Variants in RAD51B observed in about 807,000 individuals in gnomAD.
RAD51B encodes the protein DNA repair protein RAD51 homolog 2.
RAD51B carries 38 observed loss-of-function variants against 42.2 expected under a neutral mutation model. That is an observed-to-expected ratio of 0.90 (90% CI 0.70 to 1.18). The LOEUF (loss-of-function observed/expected upper bound fraction) is 1.18, where lower values mean the gene tolerates loss of function less well. RAD51B is among the 50% of genes most tolerant of loss of function. The pLI, the probability that RAD51B is intolerant of heterozygous loss-of-function variation, is 0.00. For synonymous variants in RAD51B, 154 were observed against 145.2 expected (o/e 1.06, Z -0.43); for missense variants, 373 against 400.7 (o/e 0.93, Z 0.59).
Position 68,380,210 on chromosome 14 carries a change from G to C in RAD51B, c.854-31214G>C, listed in dbSNP as rs113521394. Among the ~76,000 whole-genome samples the C allele has an allele frequency of 3.3e-5, 5 of 152,300 alleles. 1 individual carries two copies. The highest frequency in any genetic ancestry group is 1.2e-4 in the African/African-American group (5 of 41,552). The stretch of plus-strand genomic sequence containing the variant: ...CACGTAAAATTGTCTGGCTCCACTT[G>C]ACCAATGAGGAGCTTACTTTTCCTC... On this transcript the variant is annotated intron_variant, in intron 8 of 10. Transcript: ENST00000471583.
At chr14:68,399,317 C>T (rs1322020990) in intron 8 of RAD51B, among the ~76,000 whole-genome samples, 4 of 142,734 alleles carry the variant, frequency 2.8e-5, no homozygotes, top group Admixed American at 2.2e-4. Context: ...AGTGCAGTGG[C>T]GCAATCTCGG....
intron 8 of RAD51B, among the ~76,000 whole-genome samples, chr14:68,379,819 TG>T (rs2083444639): frequency 6.6e-6 from 1 of 152,214 alleles, no homozygotes; most frequent in African/African-American, 2.4e-5. Flanking sequence ...GTTGCTGGGC[TG>T]GTAAGCAAGG....
chr14:68,390,539 C>G (rs12889666), intron 8 of RAD51B, among the ~76,000 whole-genome samples: 27,412 of 152,132 alleles, frequency 0.18, 2,698 homozygotes, highest in East Asian at 0.4. Flanking sequence ...GAATTTATAG[C>G]CTGAGACTCC....
intron 4 of RAD51B, among the ~76,000 whole-genome samples, chr14:67,852,745 G>A (rs2041869069): frequency 6.6e-6 from 1 of 152,034 alleles, no homozygotes; most frequent in Admixed American, 6.6e-5. Context: ...ATATATGCAT[G>A]TGTGTAAACA....
At chr14:68,636,056 C>G (rs907560625) in intron 10 of RAD51B, among the ~76,000 whole-genome samples, 3 of 152,170 alleles carry the variant, frequency 2.0e-5, no homozygotes, top group Non-Finnish European at 4.4e-5. Context: ...AGGCCTCCAG[C>G]CGTGAGTGCT....
intron 7 of RAD51B, among the ~76,000 whole-genome samples, chr14:68,028,674 C>T (rs961070297): frequency 1.3e-5 from 2 of 152,214 alleles, no homozygotes; most frequent in African/African-American, 4.8e-5. Context: ...GCAGAGCATC[C>T]AGGCTGGACA....
chr14:68,447,804 A>G (rs551921333), intron 9 of RAD51B, among the ~76,000 whole-genome samples: 24 of 152,182 alleles, frequency 1.6e-4, no homozygotes, highest in African/African-American at 5.8e-4. Flanking sequence ...CAAAAATACA[A>G]CCTTTTCTGG....
At chr14:67,869,023 G>A (rs1460166964) in intron 5 of RAD51B, among the ~76,000 whole-genome samples, 1 of 152,238 alleles carries the variant, frequency 6.6e-6, no homozygotes, top group Non-Finnish European at 1.5e-5. Context: ...CTGAAAAGCA[G>A]AGCGACTTTC....
chr14:68,193,409 T>C (rs915759630), intron 7 of RAD51B, among the ~76,000 whole-genome samples: 1 of 152,180 alleles, frequency 6.6e-6, no homozygotes, highest in African/African-American at 2.4e-5. Context: ...AGCAAACTTA[T>C]TGAGGTCTGG....
intron 10 of RAD51B, among the ~76,000 whole-genome samples, chr14:68,605,027 C>G (rs71423319): frequency 6.6e-6 from 1 of 152,110 alleles, no homozygotes; most frequent in Non-Finnish European, 1.5e-5. Context: ...CGGTGTGGCC[C>G]AGGCGGTGCT....
chr14:68,649,870 G>T (rs1892664947), intron 10 of RAD51B, among the ~76,000 whole-genome samples: 1 of 152,146 alleles, frequency 6.6e-6, no homozygotes. Flanking sequence ...CTTTATACAG[G>T]AGTAAGATGT....
chr14:68,064,313 T>C (rs2076615397), intron 7 of RAD51B, among the ~76,000 whole-genome samples: 1 of 152,220 alleles, frequency 6.6e-6, no homozygotes, highest in Non-Finnish European at 1.5e-5. Flanking sequence ...CTGAGGAGTC[T>C]CTTCTTAGTC....
intron 10 of RAD51B, among the ~76,000 whole-genome samples, chr14:68,602,864 G>C (rs1891281114): frequency 6.6e-6 from 1 of 152,188 alleles, no homozygotes; most frequent in Non-Finnish European, 1.5e-5. Flanking sequence ...CTGGTCAGCA[G>C]TGCTCGTATA....
chr14:68,557,609 A>G (rs1434222893), intron 10 of RAD51B, among the ~76,000 whole-genome samples: 1 of 152,192 alleles, frequency 6.6e-6, no homozygotes, highest in Non-Finnish European at 1.5e-5. Flanking sequence ...TAGATTTCCC[A>G]GGGTAAGCCC....
At chr14:68,487,288 G>A (rs532797754) in intron 10 of RAD51B, among the ~76,000 whole-genome samples, 1 of 152,136 alleles carries the variant, frequency 6.6e-6, no homozygotes, top group Non-Finnish European at 1.5e-5. Context: ...CTTGTTCTGT[G>A]TGTGTGAGCT....
At chr14:68,059,048 A>G (rs796260098) in intron 7 of RAD51B, among the ~76,000 whole-genome samples, 17 of 152,010 alleles carry the variant, frequency 1.1e-4, no homozygotes, top group African/African-American at 3.6e-4. Flanking sequence ...TTTTTCTTTC[A>G]TGGGTTATTC....
intron 7 of RAD51B, among the ~76,000 whole-genome samples, chr14:67,934,186 T>C (rs2044846907): frequency 6.6e-6 from 1 of 152,192 alleles, no homozygotes; most frequent in Non-Finnish European, 1.5e-5. Flanking sequence ...GTGGCATCTT[T>C]TAATTAGAAA....
At chr14:67,968,002 T>TG (rs551928152) in intron 7 of RAD51B, among the ~76,000 whole-genome samples, 168 of 152,362 alleles carry the variant, frequency 1.1e-3, no homozygotes, top group African/African-American at 3.9e-3. Context: ...TTCTGAAATC[T>TG]AGGTGGAGGT....
At chr14:67,966,094 T>C (rs940918247) in intron 7 of RAD51B, among the ~76,000 whole-genome samples, 1 of 152,220 alleles carries the variant, frequency 6.6e-6, no homozygotes, top group African/African-American at 2.4e-5. Context: ...ATAGCTACAG[T>C]AGGTTTCTGG....
Sources: allele counts gnomAD v4.1 joint callset (sites outside exome capture counted in the v4.1 genomes callset), GRCh38; gene constraint gnomAD v4.1.1; transcripts MANE v1.5; gene names NCBI Gene and HGNC (gene_info 2026-07-23, HGNC 2026-07-21).